The following SORBS2 variants were observed in gnomAD, a reference collection of about 807,000 sequenced individuals.
SORBS2 encodes the protein sorbin and SH3 domain containing 2.
In SORBS2, 46 loss-of-function variants were observed where a neutral mutation model predicts 97.7. The ratio of observed to expected loss-of-function variants is 0.47; its 90% CI spans 0.37 to 0.60. The LOEUF is 0.60. Among genes scored for constraint, SORBS2 ranks in the 20% least tolerant of loss-of-function variants. The pLI is 0.00. For synonymous variants in SORBS2, 476 were observed against 473.4 expected (o/e 1.01, Z -0.07); for missense variants, 1,316 against 1,282.3 (o/e 1.03, Z -0.40).
intron 2 of SORBS2, among the ~76,000 whole-genome samples, chr4:185,718,230 G>GA (rs71593645): frequency 2.4e-4 from 32 of 134,604 alleles, no homozygotes; most frequent in East Asian, 6.4e-4. Context: ...CTGTCTCAAA[G>GA]AAAAAAAAAA....
chr4:185,784,040 G>T (rs1463430749), intron 1 of SORBS2, among the ~76,000 whole-genome samples: 1 of 152,168 alleles, frequency 6.6e-6, no homozygotes, highest in Non-Finnish European at 1.5e-5. Context: ...ATTCCTTGCA[G>T]TTTCTGACCA....
intron 1 of SORBS2, among the ~76,000 whole-genome samples, chr4:185,851,364 C>A (rs1228320672): frequency 6.6e-6 from 1 of 152,068 alleles, no homozygotes; most frequent in Non-Finnish European, 1.5e-5. Flanking sequence ...GTTCCATATT[C>A]TTTTACGTTC....
intron 1 of SORBS2, among the ~76,000 whole-genome samples, chr4:185,936,235 A>G (rs545459501): frequency 1.3e-5 from 2 of 152,354 alleles, no homozygotes; most frequent in Non-Finnish European, 2.9e-5. Flanking sequence ...AGAAGTAAAT[A>G]TAAAGCCTTC....
intron 1 of SORBS2, among the ~76,000 whole-genome samples, chr4:185,809,347 G>C (rs1468905338): frequency 4.0e-5 from 6 of 149,878 alleles, no homozygotes; most frequent in Admixed American, 1.3e-4. Flanking sequence ...CAAGCAGGGT[G>C]GGGGACAGTG....
At chr4:185,843,095 G>T (rs1050766960) in intron 1 of SORBS2, among the ~76,000 whole-genome samples, 5 of 152,144 alleles carry the variant, frequency 3.3e-5, no homozygotes, top group African/African-American at 1.2e-4. Context: ...ATAACACAGG[G>T]AGTGTGGGTA....
chr4:185,668,933 A>C (rs1419722655), intron 4 of SORBS2, among the ~76,000 whole-genome samples: 2 of 152,260 alleles, frequency 1.3e-5, no homozygotes, highest in African/African-American at 4.8e-5. Context: ...ACCAGCTAGC[A>C]GCCAGGGGCT....
At chr4:185,664,145 C>T (rs565384909) in intron 4 of SORBS2, among the ~76,000 whole-genome samples, 25 of 152,172 alleles carry the variant, frequency 1.6e-4, no homozygotes, top group African/African-American at 5.8e-4. Context: ...TGAGCCACCG[C>T]GCCCGGCCTA....
At chr4:185,677,106 CT>C in intron 4 of SORBS2, 1 of 1,551,696 alleles carries the variant, frequency 6.4e-7, no homozygotes. Flanking sequence ...CTGTTTGTGG[CT>C]TTCAAGATCC....
intron 1 of SORBS2, among the ~76,000 whole-genome samples, chr4:185,900,386 T>C (rs1223319599): frequency 6.6e-6 from 1 of 152,142 alleles, no homozygotes; most frequent in Non-Finnish European, 1.5e-5. Context: ...AAGTCCCAGT[T>C]CTCTTATCAA....
chr4:185,610,865 A>AT (rs1273596566), intron 12 of SORBS2, among the ~76,000 whole-genome samples: 2 of 152,168 alleles, frequency 1.3e-5, no homozygotes, highest in Non-Finnish European at 2.9e-5. Context: ...TACTTAAAAC[A>AT]TTTTGGAAGT....
intron 1 of SORBS2, among the ~76,000 whole-genome samples, chr4:185,890,748 C>T (rs2099242068): frequency 6.6e-6 from 1 of 152,174 alleles, no homozygotes; most frequent in Admixed American, 6.5e-5. Context: ...GGGACACCCT[C>T]CTTTCATCTT....
chr4:185,797,707 G>A (rs1283389722), intron 1 of SORBS2, among the ~76,000 whole-genome samples: 2 of 152,170 alleles, frequency 1.3e-5, no homozygotes, highest in Non-Finnish European at 2.9e-5. Context: ...CCAAGACCAA[G>A]TTAGCACTAC....
At chr4:185,902,663 T>C (rs2099248345) in intron 1 of SORBS2, among the ~76,000 whole-genome samples, 1 of 149,924 alleles carries the variant, frequency 6.7e-6, no homozygotes, top group Non-Finnish European at 1.5e-5. Flanking sequence ...AGGAAGAGGT[T>C]AGAGATAAAA....
intron 4 of SORBS2, among the ~76,000 whole-genome samples, chr4:185,662,776 A>G (rs2097540132): frequency 6.6e-6 from 1 of 152,216 alleles, no homozygotes; most frequent in Non-Finnish European, 1.5e-5. Context: ...GAAGCAACCT[A>G]TTCTAGAAGG....
At chr4:185,783,575 T>C (rs1018912098) in intron 1 of SORBS2, among the ~76,000 whole-genome samples, 1 of 152,042 alleles carries the variant, frequency 6.6e-6, no homozygotes, top group African/African-American at 2.4e-5. Context: ...CAAAAAGGTA[T>C]GGGAGAGACA....
At chr4:185,948,562 G>A (rs1561329494) in intron 1 of SORBS2, among the ~76,000 whole-genome samples, 3 of 133,976 alleles carry the variant, frequency 2.2e-5, no homozygotes, top group Non-Finnish European at 1.5e-5. Context: ...CCATTGCCCA[G>A]GCTGGAGTGC....
At chr4:185,909,025 A>G (rs1260601790) in intron 1 of SORBS2, among the ~76,000 whole-genome samples, 1 of 152,120 alleles carries the variant, frequency 6.6e-6, no homozygotes, top group African/African-American at 2.4e-5. Context: ...TATTTGTATG[A>G]ATCCAACAAT....
intron 1 of SORBS2, among the ~76,000 whole-genome samples, chr4:185,802,107 G>A (rs553016400): frequency 5.5e-4 from 84 of 152,264 alleles, no homozygotes; most frequent in African/African-American, 2.0e-3. Flanking sequence ...TCAATTCTCT[G>A]AGCAATTTAT....
At chr4:185,712,659 C>G (rs554891289) in intron 2 of SORBS2, among the ~76,000 whole-genome samples, 6 of 152,202 alleles carry the variant, frequency 3.9e-5, no homozygotes, top group Non-Finnish European at 8.8e-5. Context: ...CACAGGCACC[C>G]CCACCTGGAT....
Sources: allele counts gnomAD v4.1 joint callset (sites outside exome capture counted in the v4.1 genomes callset), GRCh38; gene constraint gnomAD v4.1.1; transcripts MANE v1.5; gene names NCBI Gene and HGNC (gene_info 2026-07-23, HGNC 2026-07-21).